INSC: variants seen among roughly 807,000 people sequenced by gnomAD.
INSC encodes the protein INSC spindle orientation adaptor protein, also known as protein inscuteable homolog.
INSC carries 67 observed loss-of-function variants against 58.6 expected under a neutral mutation model. That is an observed-to-expected ratio of 1.14 (90% confidence interval 0.94 to 1.40). The LOEUF is 1.40. INSC is among the 40% of genes most tolerant of loss of function. The pLI is 0.00. For missense variants in INSC, 714 were observed against 692.0 expected, an observed-to-expected ratio of 1.03 and a Z score of -0.36; for synonymous variants, 262 against 276.1, an observed-to-expected ratio of 0.95 and a Z score of 0.51.
At chr11:15,126,084 A>G (rs1847988373) in intron 1 of INSC, among the ~76,000 whole-genome samples, 1 of 152,202 alleles carries the variant, frequency 6.6e-6, no homozygotes, top group Non-Finnish European at 1.5e-5. Flanking sequence ...CAGGCTAAGG[A>G]GTTCACATCT....
upstream of INSC, among the ~76,000 whole-genome samples, chr11:15,113,147 G>GTCTTTCTTTCTCTCTCTCTC (rs1196580161): frequency 4.4e-5 from 5 of 113,824 alleles, no homozygotes; most frequent in African/African-American, 1.6e-4. Context: ...CTTTCTTTCT[G>GTCTTTCTTTCTCTCTCTCTC]TCTCTCTCTC....
At chr11:15,121,484 C>T (rs1057158951) in intron 1 of INSC, among the ~76,000 whole-genome samples, 14 of 152,212 alleles carry the variant, frequency 9.2e-5, no homozygotes, top group Non-Finnish European at 1.8e-4. Flanking sequence ...TCAGCAAGCA[C>T]ATGATGTGGG....
At chr11:15,178,275 T>A in intron 4 of INSC, 49 bp from the exon 5 acceptor site, 1 of 1,609,230 alleles carries the variant, frequency 6.2e-7, no homozygotes, top group Non-Finnish European at 8.5e-7. Flanking sequence ...ATTTCTGGGC[T>A]GACCACATGC....
intron 6 of INSC, among the ~76,000 whole-genome samples, chr11:15,197,784 A>C (rs761204168): frequency 1.3e-5 from 2 of 152,108 alleles, no homozygotes; most frequent in Non-Finnish European, 2.9e-5. Context: ...CCCCCCCACC[A>C]ATAACTCCTC....
At chr11:15,154,626 G>T (rs1848751029) in intron 2 of INSC, among the ~76,000 whole-genome samples, 1 of 152,174 alleles carries the variant, frequency 6.6e-6, no homozygotes, top group African/African-American at 2.4e-5. Context: ...GGGGAGCATG[G>T]ATTAGGAGCC....
chr11:15,222,111 C>T (rs1168891046), intron 8 of INSC, among the ~76,000 whole-genome samples: 2 of 152,210 alleles, frequency 1.3e-5, no homozygotes, highest in Non-Finnish European at 2.9e-5. Flanking sequence ...GAAAATCCCA[C>T]CATTGGCCTC....
At chr11:15,193,099 A>G (rs1850240859) in intron 6 of INSC, among the ~76,000 whole-genome samples, 1 of 152,240 alleles carries the variant, frequency 6.6e-6, no homozygotes, top group Admixed American at 6.5e-5. Context: ...CTTTGATTCC[A>G]AAGGATTCAT....
intron 1 of INSC, among the ~76,000 whole-genome samples, chr11:15,115,625 G>A (rs1448866858): frequency 2.0e-5 from 3 of 152,146 alleles, no homozygotes; most frequent in African/African-American, 7.2e-5. Flanking sequence ...CAGCTTGGGA[G>A]ACCCCACTCT....
In INSC at chr11:15,178,435, A is replaced by G. The variant is rs375285937; in HGVS notation, c.567A>G (p.Thr189=). Residue 189 remains threonine (T), a synonymous_variant, in exon 5 of 13, where the codon ACA becomes ACG. Coordinates refer to ENST00000379556, the MANE Select transcript of INSC (RefSeq NM_001042536.3). ...GTCAGCTGCTGGAGCTGGCCCTGAC[A>G]CGGGAGGTTCAGGTCAGTGCAGGCT... is the stretch of plus-strand genomic sequence containing the variant. ...HFGQLLELAL[T]REVQALVRKI... 1.4e-4 allele frequency: 225 copies of G among 1,610,982 alleles called. 4 individuals are homozygous for G. The South Asian group carries it at 2.0e-3, about 14-fold the overall frequency.
chr11:15,203,821 A>ATT (rs11306162), intron 7 of INSC, among the ~76,000 whole-genome samples: 9 of 149,808 alleles, frequency 6.0e-5, no homozygotes, highest in African/African-American at 1.2e-4. Context: ...GCTAAGAATG[A>ATT]TTTTTTTTTT....
intron 1 of INSC, among the ~76,000 whole-genome samples, chr11:15,148,820 G>A (rs897704029): frequency 2.6e-5 from 4 of 152,194 alleles, no homozygotes; most frequent in African/African-American, 9.6e-5. Flanking sequence ...TATGTCCTGT[G>A]CAATACGTAT....
chr11:15,246,048 G>A lies in INSC; in HGVS notation c.*8G>A, dbSNP rs374301663. On this transcript the variant is annotated 3_prime_UTR_variant, in exon 13 of 13. Coordinates refer to ENST00000379556, the MANE Select transcript of INSC (RefSeq NM_001042536.3). ...GAGGAGAGTTTTGTGTAGTGAGTGTGGGCGAAGAAATACATTTGGCTGTTC... is the reference window on the plus strand; with the variant it reads ...GAGGAGAGTTTTGTGTAGTGAGTGTAGGCGAAGAAATACATTTGGCTGTTC... 10 of 1,613,988 alleles carry A rather than the reference G, an allele frequency of 6.2e-6. No individual in the cohort carries two copies. Among genetic ancestry groups the A allele is most frequent in the Middle Eastern group, 1.7e-4 (1 of 6,060 alleles).
chr11:15,177,205 C>A (rs373820194), intron 4 of INSC, 42 bp downstream of exon 4: 15 of 1,535,890 alleles, frequency 9.8e-6, no homozygotes, highest in African/African-American at 1.4e-5. Context: ...GCCCACCCGA[C>A]CTCTGGCAGG....
chr11:15,240,377 C>A, intron 11 of INSC, 70 bp from the exon 12 acceptor site: 1 of 1,370,230 alleles, frequency 7.3e-7, no homozygotes, highest in Non-Finnish European at 1.0e-6. Flanking sequence ...GCAAGGGAGG[C>A]CCAGAACCTC....
chr11:15,114,870 G>A, upstream of INSC: 1 of 905,146 alleles, frequency 1.1e-6, no homozygotes, highest in Non-Finnish European at 1.3e-6. Context: ...AACGGGGCGG[G>A]GGGTGGGGCG....
At chr11:15,227,312 G>A (rs1357743611) in intron 9 of INSC, among the ~76,000 whole-genome samples, 1 of 152,198 alleles carries the variant, frequency 6.6e-6, no homozygotes, top group Non-Finnish European at 1.5e-5. Context: ...GCAAGTCAAA[G>A]GCTCCTGGGT....
rs1362781549 is a variant in INSC, at chr11:15,142,839, A to C, written c.-45-6291A>C. Among the ~76,000 whole-genome samples, 11 of 151,580 alleles carry C rather than the reference A, an allele frequency of 7.3e-5. No individual in the cohort carries two copies. In the East Asian group the frequency reaches 2.1e-3, roughly 29 times the overall value. ...TGTATATATATTTTTATTATACTTT[A>C]AGTTCTAGCGTACATGTGCACAAAG... On this transcript the variant is annotated intron_variant, in intron 1 of 12. Transcript: ENST00000379556.
chr11:15,199,915 T>C (rs1157871276), intron 6 of INSC, among the ~76,000 whole-genome samples: 1 of 152,286 alleles, frequency 6.6e-6, no homozygotes, highest in African/African-American at 2.4e-5. Context: ...CCTTGGTTAG[T>C]CATTCCAGTG....
chr11:15,250,601 C>T (rs1187549249), downstream of INSC, among the ~76,000 whole-genome samples: 1 of 152,178 alleles, frequency 6.6e-6, no homozygotes, highest in South Asian at 2.1e-4. Flanking sequence ...TATGAAGTTT[C>T]ACCCTATATG....
Sources: gnomAD v4.1 joint callset for allele counts (sites outside exome capture counted in the v4.1 genomes callset) on GRCh38, gnomAD v4.1.1 for gene constraint, MANE v1.5 for transcripts, NCBI Gene and HGNC (gene_info 2026-07-23, HGNC 2026-07-21) for gene names.